The following ARPIN variants were observed in gnomAD, a reference collection of about 807,000 sequenced individuals.
The protein encoded by ARPIN is UPF0552 protein C15orf38.
Under a neutral mutation model 25.9 loss-of-function variants are expected in ARPIN, and 23 were observed. The observed-to-expected ratio is 0.89, with a 90% CI of 0.64 to 1.26. The LOEUF is 1.26. Among genes scored for constraint, ARPIN ranks in the 50% most tolerant of loss-of-function variants. The pLI, the probability that ARPIN is intolerant of heterozygous loss-of-function variation, is 0.00. For missense variants in ARPIN, 333 were observed against 312.2 expected (o/e 1.07, Z -0.50); for synonymous variants, 126 against 131.4 (o/e 0.96, Z 0.28).
At chr15:89,910,262 G>T (rs1437153295) in intron 2 of ARPIN, among the ~76,000 whole-genome samples, 1 of 152,100 alleles carries the variant, frequency 6.6e-6, no homozygotes, top group African/African-American at 2.4e-5. Flanking sequence ...ATTTGAAGGG[G>T]GAGTGGAAAG....
At chr15:89,908,769 G>T (rs962614497) in intron 2 of ARPIN, among the ~76,000 whole-genome samples, 1 of 152,024 alleles carries the variant, frequency 6.6e-6, no homozygotes, top group African/African-American at 2.4e-5. Flanking sequence ...GGATCACGAG[G>T]TCAGGAGTTC....
At chr15:89,908,245 C>A (rs781590846) in intron 3 of ARPIN, 35 bp downstream of exon 3, 1 of 1,612,586 alleles carries the variant, frequency 6.2e-7, no homozygotes, top group Non-Finnish European at 8.5e-7. Flanking sequence ...TGCAGGAGGG[C>A]CCTGAGGGAG....
intron 1 of ARPIN, chr15:89,912,542 C>A: frequency 7.6e-7 from 1 of 1,323,076 alleles, no homozygotes; most frequent in Non-Finnish European, 9.6e-7. Flanking sequence ...AGCTTTAAGC[C>A]GATCTGTGTC....
chr15:89,898,154 T>C lies in ARPIN; in HGVS notation c.*3641A>G, dbSNP rs1896959874. ...AAAGAAAGAAAATTTCCCATATGAA[T>C]GAAGCTCAGAGGATTTGCTTGGTTC... On this transcript the variant is annotated 3_prime_UTR_variant, in exon 6 of 6. Coordinates refer to ENST00000357484, the MANE Select transcript of ARPIN (RefSeq NM_182616.4). 1 of 151,056 alleles carries C rather than the reference T, an allele frequency of 6.6e-6. No homozygotes were observed. Among genetic ancestry groups the C allele is most frequent in the African/African-American group, 2.4e-5 (1 of 41,148 alleles). 9.4% of individuals were successfully genotyped at this position (151,056 alleles called of 1,614,324 possible).
Position 89,910,774 on chromosome 15 carries a change from C to T in ARPIN, c.138G>A (p.Arg46=), listed in dbSNP as rs1467133287. The T allele has an allele frequency of 6.2e-7, 1 of 1,614,020 alleles. No individual in the cohort carries two copies. Among genetic ancestry groups the T allele is most frequent in the Admixed American group, 1.7e-5 (1 of 59,994 alleles). Residue 46 remains arginine, a synonymous_variant, in exon 2 of 6, where the codon CGG becomes CGA. Coordinates refer to ENST00000357484, the MANE Select transcript of ARPIN (RefSeq NM_182616.4). The part of the protein sequence containing the change: ...LLEGELIDVS[R]HSILDTHGRK... ...TGCCATGAGTGTCCAAGATGCTGTG[C>T]CGAGATACATCGATCAGTTCTCCCT...
At chr15:89,907,907 C>T (rs560127447) in intron 3 of ARPIN, among the ~76,000 whole-genome samples, 14 of 152,330 alleles carry the variant, frequency 9.2e-5, no homozygotes, top group South Asian at 6.2e-4. Context: ...TTATATAGCA[C>T]GCACGGACTG....
At chr15:89,910,917 C>T in intron 1 of ARPIN, 98 bp from the exon 2 acceptor site, 1 of 1,370,308 alleles carries the variant, frequency 7.3e-7, no homozygotes, top group Non-Finnish European at 1.0e-6. Context: ...AGGCTGGGTA[C>T]TGAGCAGCTC....
chr15:89,902,814 T>TC, intron 5 of ARPIN: 4 of 1,115,148 alleles, frequency 3.6e-6, no homozygotes, highest in Non-Finnish European at 4.4e-6. Context: ...GGTCAGCCAT[T>TC]CTCCAGACAC....
intron 3 of ARPIN, among the ~76,000 whole-genome samples, chr15:89,908,071 G>GT (rs1486761962): frequency 6.6e-6 from 1 of 152,188 alleles, no homozygotes; most frequent in Non-Finnish European, 1.5e-5. Flanking sequence ...GGCCAGCCTG[G>GT]CCCCTGGAAT....
At chr15:89,905,196 A>G (rs1232234826) in intron 3 of ARPIN, among the ~76,000 whole-genome samples, 1 of 151,612 alleles carries the variant, frequency 6.6e-6, no homozygotes, top group Non-Finnish European at 1.5e-5. Context: ...TAATTTTTGT[A>G]TTTTTGTTAG....
intron 3 of ARPIN, among the ~76,000 whole-genome samples, chr15:89,904,985 G>A (rs1214844097): frequency 6.6e-6 from 1 of 150,842 alleles, no homozygotes; most frequent in Non-Finnish European, 1.5e-5. Context: ...AAGCCATCAA[G>A]TGAGACCTCT....
At chr15:89,910,121 G>C (rs965777898) in intron 2 of ARPIN, among the ~76,000 whole-genome samples, 2 of 152,176 alleles carry the variant, frequency 1.3e-5, no homozygotes, top group Admixed American at 1.3e-4. Flanking sequence ...CTGTTCTCAT[G>C]GGGTACAGGA....
rs761713105 is a variant in ARPIN, at chr15:89,901,231, C to T, written c.*564G>A. 7 of 158,018 alleles carry T rather than the reference C, an allele frequency of 4.4e-5. No homozygotes were observed. The highest frequency in any genetic ancestry group is 8.3e-5 in the Non-Finnish European group (6 of 72,180). 9.8% of individuals were successfully genotyped at this position (158,018 alleles called of 1,614,324 possible). ...GAAGGAAAGCAGGAAACAATGAGAACGGAGGAAGAGCCCCGCTAACTTCTC... is the reference window on the plus strand; with the variant it reads ...GAAGGAAAGCAGGAAACAATGAGAATGGAGGAAGAGCCCCGCTAACTTCTC... On this transcript the variant is annotated 3_prime_UTR_variant, in exon 6 of 6. Coordinates refer to ENST00000357484, the MANE Select transcript of ARPIN (RefSeq NM_182616.4).
rs56208607 is a variant in ARPIN at position 89,907,057 on chromosome 15, G to GTATTATTATTATTAT, written c.301+1208_301+1222dup. Among the ~76,000 whole-genome samples, 98 of 149,364 alleles carry GTATTATTATTATTAT rather than the reference G, an allele frequency of 6.6e-4. No homozygotes were observed. The South Asian group carries it at 0.012, about 19-fold the overall frequency. On this transcript the variant is annotated intron_variant, in intron 3 of 5. Coordinates refer to ENST00000357484, the MANE Select transcript of ARPIN (RefSeq NM_182616.4). ...CTAGAAGTAAAGTGGCCATCAAAAA[G>GTATTATTATTATTAT]TATTATTATTATTATTACTATTTTT...
chr15:89,906,076 C>G (rs1897115816), intron 3 of ARPIN, among the ~76,000 whole-genome samples: 1 of 152,156 alleles, frequency 6.6e-6, no homozygotes, highest in Non-Finnish European at 1.5e-5. Flanking sequence ...ACTGAGGCCA[C>G]TGTGCCTCCT....
At chr15:89,902,219 C>T (rs1325560881) in intron 5 of ARPIN, among the ~76,000 whole-genome samples, 5 of 151,824 alleles carry the variant, frequency 3.3e-5, no homozygotes, top group Admixed American at 6.6e-5. Context: ...GACCAACCAG[C>T]CCAACATGGA....
rs1385222667 is a variant in ARPIN at position 89,903,204 on chromosome 15, C to G, written c.672+12G>C. 1 of 1,614,202 alleles carries G rather than the reference C, an allele frequency of 6.2e-7. No homozygotes were observed. The highest frequency in any genetic ancestry group is 1.7e-5 in the Admixed American group (1 of 60,026). Reference sequence around the variant, plus strand: ...GCCAGGAGATACAACTGCACCAACACCAGGTACCTACCCACTCCTCGTCCT... The same window carrying G: ...GCCAGGAGATACAACTGCACCAACAGCAGGTACCTACCCACTCCTCGTCCT... On this transcript the variant is annotated intron_variant, in intron 5 of 5. Transcript: ENST00000357484.
chr15:89,906,331 C>T (rs1897119595), intron 3 of ARPIN, among the ~76,000 whole-genome samples: 1 of 152,172 alleles, frequency 6.6e-6, no homozygotes, highest in African/African-American at 2.4e-5. Context: ...CCTCCTGCTG[C>T]CTGCCCTGCA....
Position 89,896,231 on chromosome 15 carries a change from C to T in ARPIN, c.*5564G>A, listed in dbSNP as rs1271195977. The T allele has an allele frequency of 6.6e-6, 1 of 152,082 alleles. No homozygotes were observed. Among genetic ancestry groups the T allele is most frequent in the East Asian group, 1.9e-4 (1 of 5,204 alleles). The allele number at this position is 152,082 out of a possible 1,614,324, so 9.4% of individuals were successfully genotyped here. A position where few individuals can be genotyped will look rare whatever the true frequency, so the allele number is the denominator to read the frequency against. On this transcript the variant is annotated 3_prime_UTR_variant, in exon 6 of 6. Coordinates refer to ENST00000357484, the MANE Select transcript of ARPIN (RefSeq NM_182616.4). ...AAATAAAAACCAAAAGTCAGTTGCA[C>T]TGAAACTTGACAAAATGTTTAAAAT...
Sources: gnomAD v4.1 joint callset for allele counts (sites outside exome capture counted in the v4.1 genomes callset) on GRCh38, gnomAD v4.1.1 for gene constraint, MANE v1.5 for transcripts, NCBI Gene and HGNC (gene_info 2026-07-23, HGNC 2026-07-21) for gene names.